Variants in ESR2 observed in about 807,000 individuals in gnomAD.
The protein encoded by ESR2 is estrogen receptor beta.
Under a neutral mutation model 49.6 loss-of-function variants are expected in ESR2, and 36 were observed. The observed-to-expected ratio is 0.73, with a 90% CI of 0.56 to 0.96. ESR2 has a LOEUF of 0.96. Among genes scored for constraint, ESR2 ranks in the 40% least tolerant of loss-of-function variants. The pLI is 0.00. For synonymous variants in ESR2, 320 were observed against 266.1 expected (o/e 1.20, Z -1.97); for missense variants, 714 against 693.0 (o/e 1.03, Z -0.34).
In ESR2 at chr14:64,249,601, T is replaced by TAA. The variant is rs1400323128; in HGVS notation, c.1168_1169dup (p.Leu390PhefsTer2). 2.5e-6 allele frequency: 4 copies of TAA among 1,613,992 alleles called. No homozygotes were observed. In the African/African-American group the frequency reaches 5.3e-5, roughly 22 times the overall value. ...AGAGATATTCTTTGTGTTGGAGTTT[T>TAA]AACTCTCGAAACCTTGAAGTAGTTG... On this transcript the variant is annotated frameshift_variant, in exon 7 of 9. Transcript: ENST00000341099. LOFTEE classifies it high-confidence loss of function.
chr14:64,238,939 C>T (rs940230801), intron 7 of ESR2, among the ~76,000 whole-genome samples: 1 of 152,148 alleles, frequency 6.6e-6, no homozygotes, highest in Admixed American at 6.5e-5. Flanking sequence ...AGCCACCTCT[C>T]CTTCAAGATT....
chr14:64,307,759 C>T (rs1017564911), intron 1 of ESR2, among the ~76,000 whole-genome samples: 5 of 152,036 alleles, frequency 3.3e-5, no homozygotes, highest in Non-Finnish European at 7.4e-5. Context: ...TTGGTCTCAC[C>T]TTCTGACCTC....
intron 6 of ESR2, 65 bp from the exon 7 acceptor site, chr14:64,249,744 G>A: frequency 2.0e-6 from 3 of 1,493,628 alleles, no homozygotes; most frequent in Admixed American, 4.1e-5. Context: ...AAACAATAAG[G>A]AATGTTTTAT....
intron 8 of ESR2, chr14:64,233,626 C>T (rs1201458256): frequency 3.0e-6 from 1 of 333,626 alleles, no homozygotes; most frequent in Non-Finnish European, 5.6e-6. Context: ...ACACTGAATC[C>T]TCACTCATAG....
intron 1 of ESR2, among the ~76,000 whole-genome samples, chr14:64,308,890 A>T (rs1176185034): frequency 2.0e-5 from 3 of 151,788 alleles, no homozygotes; most frequent in African/African-American, 4.8e-5. Context: ...TGATCCTCCA[A>T]CCTCAGCTTC....
intron 6 of ESR2, among the ~76,000 whole-genome samples, chr14:64,256,730 GA>G (rs533801244): frequency 9.5e-5 from 14 of 147,660 alleles, no homozygotes; most frequent in Admixed American, 2.0e-4. Flanking sequence ...CTCCATCTCA[GA>G]AAAAAAACAA....
At chr14:64,334,396 G>A (rs2077503309) in intron 1 of ESR2, among the ~76,000 whole-genome samples, 1 of 152,228 alleles carries the variant, frequency 6.6e-6, no homozygotes, top group Non-Finnish European at 1.5e-5. Context: ...TTCCCTGGCT[G>A]TTGGGAGTAG....
chr14:64,235,266 G>T, intron 7 of ESR2, 116 bp from the exon 8 acceptor site: 3 of 1,045,690 alleles, frequency 2.9e-6, no homozygotes, highest in Non-Finnish European at 4.2e-6. Context: ...ACAGCTGCAT[G>T]TGTGGCAGGA....
intron 1 of ESR2, among the ~76,000 whole-genome samples, chr14:64,305,190 C>A (rs1346320237): frequency 2.0e-5 from 3 of 149,582 alleles, no homozygotes; most frequent in Admixed American, 1.3e-4. Flanking sequence ...ACTCTGGAGG[C>A]TGAGGCAGGA....
chr14:64,251,149 C>G (rs891905355), intron 6 of ESR2, among the ~76,000 whole-genome samples: 2 of 152,090 alleles, frequency 1.3e-5, no homozygotes, highest in African/African-American at 4.8e-5. Context: ...CAACCTGATG[C>G]AGGCATCCAG....
intron 3 of ESR2, among the ~76,000 whole-genome samples, chr14:64,278,789 A>C (rs2076607259): frequency 6.6e-6 from 1 of 152,182 alleles, no homozygotes; most frequent in Admixed American, 6.5e-5. Flanking sequence ...TGAAGTTTAT[A>C]AACCAAAAAA....
In ESR2 at chr14:64,230,161, C is replaced by T. The variant is rs1173764558; in HGVS notation, c.*2976G>A. On this transcript the variant is annotated 3_prime_UTR_variant, in exon 9 of 9. Coordinates refer to ENST00000341099, the MANE Select transcript of ESR2 (RefSeq NM_001437.3). The stretch of plus-strand genomic sequence containing the variant: ...GCAGTGAGCCATGATGGCGCCACTG[C>T]ACTCTAGCCTGAGCAACAGGAGTCA... Among the ~76,000 whole-genome samples the T allele has an allele frequency of 2.7e-5, 4 of 148,110 alleles. No individual in the cohort carries two copies. The East Asian group carries it at 6.0e-4, about 22-fold the overall frequency.
intron 3 of ESR2, among the ~76,000 whole-genome samples, chr14:64,270,859 TCA>T (rs778671370): frequency 5.9e-5 from 9 of 152,100 alleles, no homozygotes; most frequent in Admixed American, 3.9e-4. Context: ...GAAACAGTCT[TCA>T]CAGTCTCTTA....
At chr14:64,254,826 C>CA (rs573433154) in intron 6 of ESR2, among the ~76,000 whole-genome samples, 56,313 of 133,616 alleles carry the variant, frequency 0.42, 11,465 homozygotes, top group Non-Finnish European at 0.45. Flanking sequence ...GTAGTCATTC[C>CA]AAAAAAAAAA....
chr14:64,245,756 A>C (rs2075841642), intron 7 of ESR2, among the ~76,000 whole-genome samples: 1 of 152,210 alleles, frequency 6.6e-6, no homozygotes, highest in Non-Finnish European at 1.5e-5. Flanking sequence ...TAAAATGCCT[A>C]TAAGGAGCCT....
chr14:64,302,867 C>T (rs1191836601), intron 1 of ESR2, among the ~76,000 whole-genome samples: 7 of 152,010 alleles, frequency 4.6e-5, no homozygotes, highest in Non-Finnish European at 8.8e-5. Context: ...GGCACAATCT[C>T]GGCTCACTGC....
upstream of ESR2, among the ~76,000 whole-genome samples, chr14:64,298,692 G>A (rs1326345496): frequency 1.3e-5 from 2 of 152,148 alleles, no homozygotes; most frequent in Non-Finnish European, 2.9e-5. Flanking sequence ...AACCACCTGA[G>A]CAAGCAGCAC....
chr14:64,227,565 T>C (rs1354467124), downstream of ESR2: 1 of 1,613,908 alleles, frequency 6.2e-7, no homozygotes, highest in African/African-American at 1.3e-5. Context: ...GGCAAAAGAG[T>C]CTCCATCTTC....
chr14:64,319,189 A>G (rs1292753853), intron 1 of ESR2, among the ~76,000 whole-genome samples: 2 of 152,250 alleles, frequency 1.3e-5, no homozygotes, highest in South Asian at 2.1e-4. Flanking sequence ...AACACATGGT[A>G]CTAGAACAAC....
Sources: gnomAD v4.1 joint callset for allele counts (sites outside exome capture counted in the v4.1 genomes callset) on GRCh38, gnomAD v4.1.1 for gene constraint, MANE v1.5 for transcripts, NCBI Gene and HGNC (gene_info 2026-07-23, HGNC 2026-07-21) for gene names.